The following DLK1 variants were observed in gnomAD, a reference collection of about 807,000 sequenced individuals.
DLK1 encodes protein delta homolog 1.
DLK1 carries 9 observed loss-of-function variants against 35.2 expected under a neutral mutation model. The observed-to-expected ratio is 0.26, with a 90% CI of 0.15 to 0.45. DLK1 has a LOEUF of 0.45. DLK1 is among the 20% of genes least tolerant of loss of function. The pLI, the probability that DLK1 is intolerant of heterozygous loss-of-function variation, is 1.00. For missense variants in DLK1, 522 were observed against 528.5 expected (o/e 0.99, Z 0.12); for synonymous variants, 231 against 228.4 (o/e 1.01, Z -0.10).
In DLK1 at chr14:100,732,150, G is replaced by T; in HGVS notation, c.371G>T (p.Cys124Phe). The change falls in exon 4 of 5, where the codon TGC becomes TTC. Residue 124 changes from cysteine (C) to phenylalanine (F), a missense_variant. By Grantham distance (205) the Cys-to-Phe change is radical (BLOSUM62 -2). Coordinates refer to ENST00000341267, the MANE Select transcript of DLK1 (RefSeq NM_003836.7). ...SCAPGYSGKD[C>F]QKKDGPCVIN... ...GCCCCCGGGTACTCGGGAAAGGACTGCCAGAAAAAGGACGGGCCCTGTGTG... is the reference window on the plus strand; with the variant it reads ...GCCCCCGGGTACTCGGGAAAGGACTTCCAGAAAAAGGACGGGCCCTGTGTG... 1 of 1,614,026 alleles carries T rather than the reference G, an allele frequency of 6.2e-7. No homozygotes were observed. Among genetic ancestry groups the T allele is most frequent in the South Asian group, 1.1e-5 (1 of 91,054 alleles).
Position 100,727,050 on chromosome 14 carries a change from C to A in DLK1, c.-19C>A. The stretch of plus-strand genomic sequence containing the variant: ...CGCGCCCGCACCGCTCCCGGGACCG[C>A]GACCCCGGCCGCCCAGAGATGACCG... On this transcript the variant is annotated 5_prime_UTR_variant, in exon 1 of 5. Coordinates refer to ENST00000341267, the MANE Select transcript of DLK1 (RefSeq NM_003836.7). 1 of 1,559,318 alleles carries A rather than the reference C, an allele frequency of 6.4e-7. No homozygotes were observed. Among genetic ancestry groups the A allele is most frequent in the South Asian group, 1.2e-5 (1 of 85,398 alleles).
At chr14:100,728,833 C>A in intron 2 of DLK1, 103 bp from the exon 3 acceptor site, 1 of 1,476,816 alleles carries the variant, frequency 6.8e-7, no homozygotes, top group Non-Finnish European at 9.2e-7. Context: ...TGCCACTGTG[C>A]AAAGACCCCC....
chr14:100,728,322 G>T, intron 1 of DLK1, 74 bp from the exon 2 acceptor site: 2 of 1,561,234 alleles, frequency 1.3e-6, no homozygotes, highest in Non-Finnish European at 1.8e-6. Flanking sequence ...GTGGTGGGCT[G>T]TGTGGGCGAA....
intron 3 of DLK1, among the ~76,000 whole-genome samples, chr14:100,731,684 G>T (rs1318008787): frequency 6.6e-6 from 1 of 152,162 alleles, no homozygotes; most frequent in Non-Finnish European, 1.5e-5. Flanking sequence ...GGTGGAGACA[G>T]GCCTTAGGGA....
At chr14:100,727,460 T>C (rs1348509925) in intron 1 of DLK1, among the ~76,000 whole-genome samples, 1 of 152,050 alleles carries the variant, frequency 6.6e-6, no homozygotes, top group African/African-American at 2.4e-5. Context: ...GAAAATACTC[T>C]GGGGTGCAAC....
Position 100,732,101 on chromosome 14 carries a change from G to A in DLK1, c.322G>A (p.Asp108Asn), listed in dbSNP as rs774970009. The change falls in exon 4 of 5, where the codon GAT (aspartate) becomes AAT (asparagine). Residue 108 changes from aspartate to asparagine, a missense_variant. Transcript: ENST00000341267. ...ANNRTCVSLD[D>N]GLYECSCAPG... ...CAACAGGACCTGCGTGAGCCTGGAC[G>A]ATGGCCTCTATGAATGCTCCTGTGC... The A allele has an allele frequency of 6.2e-6, 10 of 1,613,866 alleles. No homozygotes were observed. In the African/African-American group the frequency reaches 1.1e-4, roughly 17 times the overall value.
At chr14:100,731,237 C>G (rs2036503683) in intron 3 of DLK1, among the ~76,000 whole-genome samples, 1 of 152,150 alleles carries the variant, frequency 6.6e-6, no homozygotes, top group Non-Finnish European at 1.5e-5. Context: ...TCTCCATCAT[C>G]AGAGAGCCCC....
At chr14:100,729,379 A>G (rs2139859409) in intron 3 of DLK1, 1 of 617,482 alleles carries the variant, frequency 1.6e-6, no homozygotes, top group Non-Finnish European at 2.9e-6. Context: ...CGGTGGGACC[A>G]CAGACCCCAG....
At chr14:100,733,814 G>A (rs1447964008) in intron 4 of DLK1, among the ~76,000 whole-genome samples, 1 of 152,034 alleles carries the variant, frequency 6.6e-6, no homozygotes. Context: ...ACCTCTGGTT[G>A]GAGAGGTGCA....
chr14:100,727,124 A>G lies in DLK1; in HGVS notation c.56A>G (p.His19Arg). The G allele has an allele frequency of 1.9e-6, 3 of 1,593,768 alleles. No individual in the cohort carries two copies. The highest frequency in any genetic ancestry group is 2.6e-6 in the Non-Finnish European group (3 of 1,171,450). Reference sequence around the variant, plus strand: ...CTCTTGCTCCTGCTGGCTTTCGGCCACAGCACCTATGGTGAGTTCCCCGGC... The same window carrying G: ...CTCTTGCTCCTGCTGGCTTTCGGCCGCAGCACCTATGGTGAGTTCCCCGGC... ...RVLLLLLAFG[H>R]STYGAECFPA... The change falls in exon 1 of 5, where the codon CAC becomes CGC. Residue 19 changes from histidine to arginine, a missense_variant. By Grantham distance (29) the His-to-Arg change is conservative. Coordinates refer to ENST00000341267, the MANE Select transcript of DLK1 (RefSeq NM_003836.7).
chr14:100,734,425 C>A lies in DLK1; in HGVS notation c.681C>A (p.Thr227=). ...CQNGGTCLQH[T]QVSYECLCKP... is the part of the protein sequence containing the mutation. The stretch of plus-strand genomic sequence containing the variant: ...ACGGGGGCACCTGCCTGCAGCACAC[C>A]CAGGTGAGCTACGAGTGTCTGTGCA... The change falls in exon 5 of 5, where the codon ACC becomes ACA. Residue 227 remains threonine, a synonymous_variant. Coordinates refer to ENST00000341267, the MANE Select transcript of DLK1 (RefSeq NM_003836.7). This position sits in a 1 kb window ranked among gnomAD's most constrained non-coding sequence, Gnocchi z 7.4. 1 of 1,612,036 alleles carries A rather than the reference C, an allele frequency of 6.2e-7. No individual in the cohort carries two copies. Among genetic ancestry groups the A allele is most frequent in the Non-Finnish European group, 8.5e-7 (1 of 1,179,124 alleles).
intron 3 of DLK1, among the ~76,000 whole-genome samples, chr14:100,730,097 G>C (rs1435941230): frequency 6.6e-6 from 1 of 152,202 alleles, no homozygotes; most frequent in Admixed American, 6.5e-5. Context: ...GGCAGCCGTG[G>C]TTCTGAAGCT....
chr14:100,736,291 G>C lies in DLK1; in HGVS notation c.*1395G>C, dbSNP rs552228299. On this transcript the variant is annotated 3_prime_UTR_variant, in exon 5 of 5. Transcript: ENST00000341267. ...ACAGCTAAACAGCCCTTGGGTACCA[G>C]ATAGGAATATTTTGCTTCTTAGATT... The C allele has an allele frequency of 6.6e-6, 1 of 152,088 alleles. No individual in the cohort carries two copies. The highest frequency in any genetic ancestry group is 2.4e-5 in the African/African-American group (1 of 41,462). The allele number at this position is 152,088 out of a possible 1,614,324, so 9.4% of individuals were successfully genotyped here.
At position 100,728,430 on chromosome 14, in the gene DLK1, T is replaced by C. The variant is rs757545372; in HGVS notation, c.102T>C (p.Asn34=). The C allele has an allele frequency of 1.9e-6, 3 of 1,613,804 alleles. No homozygotes were observed. Among genetic ancestry groups the C allele is most frequent in the Non-Finnish European group, 2.5e-6 (3 of 1,179,854 alleles). Residue 34 remains asparagine, a synonymous_variant, in exon 2 of 5, where the codon AAT becomes AAC. Transcript: ENST00000341267. ...GCTTCCCGGCCTGCAACCCCCAAAA[T>C]GGATTCTGCGAGGATGACAATGTTT... ...AECFPACNPQ[N]GFCEDDNVCR... is the part of the protein sequence containing the mutation.
At chr14:100,728,538 AT>A in intron 2 of DLK1, 79 bp downstream of exon 2, 1 of 1,450,864 alleles carries the variant, frequency 6.9e-7, no homozygotes, top group South Asian at 1.1e-5. Flanking sequence ...GCAGAAAAAA[AT>A]AGGGGGCTTG....
At chr14:100,728,880 C>T in intron 2 of DLK1, 56 bp from the exon 3 acceptor site, 1 of 1,592,122 alleles carries the variant, frequency 6.3e-7, no homozygotes. Context: ...GCCTGAGCTG[C>T]CTCTCTACCC....
intron 3 of DLK1, among the ~76,000 whole-genome samples, chr14:100,730,411 C>T (rs910951070): frequency 6.6e-6 from 1 of 152,188 alleles, no homozygotes; most frequent in Non-Finnish European, 1.5e-5. Flanking sequence ...CCCTCCCCAC[C>T]AAGTTGACAA....
chr14:100,727,223 C>T lies in DLK1; in HGVS notation c.67+88C>T, dbSNP rs543728968. The T allele has an allele frequency of 1.3e-4, 177 of 1,350,988 alleles. No homozygotes were observed. In the African/African-American group the frequency reaches 2.4e-3, roughly 19 times the overall value. 83.7% of individuals were successfully genotyped at this position (1,350,988 alleles called of 1,614,324 possible). A position where few individuals can be genotyped will look rare whatever the true frequency, so the allele number is the denominator to read the frequency against. ...GCCCGGTGCCCCGCACGCCCCGTCTCGTGAGCCCCAACTCCGCCCGTCCCG... is the reference window on the plus strand; with the variant it reads ...GCCCGGTGCCCCGCACGCCCCGTCTTGTGAGCCCCAACTCCGCCCGTCCCG... On this transcript the variant is annotated intron_variant, in intron 1 of 4. Transcript: ENST00000341267.
At chr14:100,733,404 A>C (rs1392495010) in intron 4 of DLK1, among the ~76,000 whole-genome samples, 1 of 152,156 alleles carries the variant, frequency 6.6e-6, no homozygotes, top group South Asian at 2.1e-4. Context: ...CTTGTACTCC[A>C]CTTTGAGCAA....
Sources: gnomAD v4.1 joint callset for allele counts (sites outside exome capture counted in the v4.1 genomes callset) on GRCh38, gnomAD v4.1.1 for gene constraint, Gnocchi (gnomAD v3.1) non-coding constraint, MANE v1.5 for transcripts, NCBI Gene and HGNC (gene_info 2026-07-23, HGNC 2026-07-21) for gene names.